SLC25A26: variants seen among roughly 807,000 people sequenced by gnomAD.
SLC25A26 encodes mitochondrial S-adenosylmethionine carrier protein.
SLC25A26 carries 36 observed loss-of-function variants against 37.8 expected under a neutral mutation model. That is an observed-to-expected ratio of 0.95 (90% CI 0.73 to 1.26). The LOEUF is 1.26. Among genes scored for constraint, SLC25A26 ranks in the 50% most tolerant of loss-of-function variants. SLC25A26 has a pLI of 0.00. For missense variants in SLC25A26, 390 were observed against 331.1 expected, an observed-to-expected ratio of 1.18 and a Z score of -1.38; for synonymous variants, 129 against 122.5, an observed-to-expected ratio of 1.05 and a Z score of -0.35.
At chr3:66,295,502 C>T (rs997572123) in intron 5 of SLC25A26, among the ~76,000 whole-genome samples, 1 of 149,890 alleles carries the variant, frequency 6.7e-6, no homozygotes, top group African/African-American at 2.5e-5. Context: ...CCCGGGTTCA[C>T]GCCATTCTTC....
intron 1 of SLC25A26, among the ~76,000 whole-genome samples, chr3:66,202,455 AATG>A (rs2071123600): frequency 1.3e-5 from 2 of 151,882 alleles, no homozygotes; most frequent in African/African-American, 4.8e-5. Flanking sequence ...GGGTGCAGCA[AATG>A]ACCACAGCAT....
At chr3:66,224,516 T>G (rs2106900288) in intron 1 of SLC25A26, among the ~76,000 whole-genome samples, 1 of 152,180 alleles carries the variant, frequency 6.6e-6, no homozygotes, top group Middle Eastern at 3.4e-3. Flanking sequence ...TTCTACCAGG[T>G]CCCTCCCACA....
intron 6 of SLC25A26, among the ~76,000 whole-genome samples, chr3:66,361,036 T>A (rs2076695278): frequency 6.6e-6 from 1 of 152,204 alleles, no homozygotes; most frequent in African/African-American, 2.4e-5. Context: ...ATGGAATTGA[T>A]ATCAAGATAG....
intron 5 of SLC25A26, among the ~76,000 whole-genome samples, chr3:66,321,719 T>C (rs2075698820): frequency 6.6e-6 from 1 of 151,824 alleles, no homozygotes; most frequent in Admixed American, 6.6e-5. Flanking sequence ...GGGGGTTGTA[T>C]CATGCTTTCT....
chr3:66,232,147 T>G (rs943689628), intron 1 of SLC25A26, among the ~76,000 whole-genome samples: 25 of 152,206 alleles, frequency 1.6e-4, no homozygotes, highest in Non-Finnish European at 2.4e-4. Flanking sequence ...ATTTAAAATG[T>G]TCATTTTGCC....
At position 66,343,039 on chromosome 3, in the gene SLC25A26, T is replaced by G. The variant is rs544202811; in HGVS notation, c.454-3325T>G. 3.3e-5 allele frequency among the ~76,000 whole-genome samples: 5 copies of G among 152,296 alleles called. No homozygotes were observed. The South Asian group carries it at 1.0e-3, about 32-fold the overall frequency. On this transcript the variant is annotated intron_variant, in intron 5 of 9. Coordinates refer to ENST00000354883, the MANE Select transcript of SLC25A26 (RefSeq NM_001379210.1). ...TTCATTTTCTTCATCTATAAAACATTTTAGAATAACAGCCTACATCTGTTT... is the reference window on the plus strand; with the variant it reads ...TTCATTTTCTTCATCTATAAAACATGTTAGAATAACAGCCTACATCTGTTT...
At chr3:66,146,027 T>G (rs2106678250) in intron 1 of SLC25A26, among the ~76,000 whole-genome samples, 1 of 152,304 alleles carries the variant, frequency 6.6e-6, no homozygotes, top group African/African-American at 2.4e-5. Flanking sequence ...ATTTTATTTT[T>G]GAGAATTTTC....
intron 5 of SLC25A26, among the ~76,000 whole-genome samples, chr3:66,289,223 G>A (rs898499913): frequency 7.2e-5 from 11 of 151,948 alleles, no homozygotes; most frequent in African/African-American, 2.7e-4. Flanking sequence ...CTGGATATTA[G>A]CCCTTTGTCA....
intron 1 of SLC25A26, among the ~76,000 whole-genome samples, chr3:66,207,765 C>T (rs1219049169): frequency 6.6e-6 from 1 of 152,154 alleles, no homozygotes; most frequent in Non-Finnish European, 1.5e-5. Context: ...TTAAATCTTT[C>T]TTGTAACGCT....
chr3:66,282,685 A>G (rs1013613925), intron 5 of SLC25A26, among the ~76,000 whole-genome samples: 1 of 152,248 alleles, frequency 6.6e-6, no homozygotes, highest in African/African-American at 2.4e-5. Context: ...GGCAAGAAGA[A>G]CACAGAATTA....
rs536526326 is a variant in SLC25A26 at position 66,319,004 on chromosome 3, C to T, written c.454-27360C>T. Among the ~76,000 whole-genome samples the T allele has an allele frequency of 7.2e-5, 11 of 152,238 alleles. No homozygotes were observed. In the East Asian group the frequency reaches 9.6e-4, roughly 13 times the overall value. ...GTTACATTGCCCGTATTGTGACTTG[C>T]GCTATACTTACCAACTTTCACTTGA... On this transcript the variant is annotated intron_variant, in intron 5 of 9. Coordinates refer to ENST00000354883, the MANE Select transcript of SLC25A26 (RefSeq NM_001379210.1).
In SLC25A26 at chr3:66,238,592, C is replaced by G. The variant is rs888552302; in HGVS notation, c.190+1892C>G. On this transcript the variant is annotated intron_variant, in intron 2 of 9. Coordinates refer to ENST00000354883, the MANE Select transcript of SLC25A26 (RefSeq NM_001379210.1). ...GAGACGGGGTTTCACCATGTTATCC[C>G]GACGTCACGTGATCTGCCTGCCTTG... Among the ~76,000 whole-genome samples the G allele has an allele frequency of 1.2e-4, 18 of 151,918 alleles. 1 individual carries two copies. Among genetic ancestry groups the G allele is most frequent in the Non-Finnish European group, 2.9e-5 (2 of 67,984 alleles).
At chr3:66,371,453 C>T (rs769134344) in intron 9 of SLC25A26, 17 of 1,369,892 alleles carry the variant, frequency 1.2e-5, no homozygotes, top group Non-Finnish European at 1.6e-5. Context: ...AGGAGAGCAG[C>T]ACATCCTAGA....
chr3:66,289,802 C>G (rs989582030), intron 5 of SLC25A26, among the ~76,000 whole-genome samples: 2 of 152,068 alleles, frequency 1.3e-5, no homozygotes, highest in African/African-American at 2.4e-5. Flanking sequence ...GCTATGCAGG[C>G]TCTTTTTTGA....
chr3:66,312,472 C>A (rs188461798), intron 5 of SLC25A26, among the ~76,000 whole-genome samples: 2 of 151,964 alleles, frequency 1.3e-5, no homozygotes, highest in Admixed American at 1.3e-4. Context: ...GGCTTCAGCC[C>A]CCTTTCCATG....
intron 1 of SLC25A26, among the ~76,000 whole-genome samples, chr3:66,176,791 G>C (rs543284390): frequency 1.3e-5 from 2 of 152,222 alleles, no homozygotes; most frequent in East Asian, 3.9e-4. Flanking sequence ...TGTAGAATCC[G>C]ATGAGTGTTT....
chr3:66,281,633 G>T (rs999139456), intron 5 of SLC25A26, among the ~76,000 whole-genome samples: 2 of 152,122 alleles, frequency 1.3e-5, no homozygotes, highest in Admixed American at 6.5e-5. Flanking sequence ...TAAAGTGACA[G>T]TTCAAGGGAT....
intron 1 of SLC25A26, among the ~76,000 whole-genome samples, chr3:66,142,986 T>A (rs1344340029): frequency 6.6e-6 from 1 of 152,076 alleles, no homozygotes; most frequent in Non-Finnish European, 1.5e-5. Flanking sequence ...AGGCCAGTCA[T>A]GAACTCCTGG....
chr3:66,136,961 C>T (rs925375392), intron 1 of SLC25A26, among the ~76,000 whole-genome samples: 1 of 152,058 alleles, frequency 6.6e-6, no homozygotes, highest in African/African-American at 2.4e-5. Context: ...TTTTATTTTG[C>T]TTACTTTATG....
Sources: allele counts gnomAD v4.1 joint callset (sites outside exome capture counted in the v4.1 genomes callset), GRCh38; gene constraint gnomAD v4.1.1; transcripts MANE v1.5; gene names NCBI Gene and HGNC (gene_info 2026-07-23, HGNC 2026-07-21).